Variants in MYH9 observed in about 807,000 individuals in gnomAD.
MYH9 encodes the protein myosin heavy chain 9.
MYH9 carries 29 observed loss-of-function variants against 241.9 expected under a neutral mutation model. That is an observed-to-expected ratio of 0.12 (90% CI 0.09 to 0.16). The LOEUF (loss-of-function observed/expected upper bound fraction) is 0.16, where lower values mean the gene tolerates loss of function less well. Among genes scored for constraint, MYH9 ranks in the 10% least tolerant of loss-of-function variants. The probability of loss-of-function intolerance (pLI) is 1.00; values close to 1 mark genes in which losing one functional copy is unlikely to be tolerated. For missense variants in MYH9, 1,803 were observed against 2,595.5 expected (o/e 0.69, Z 6.63); for synonymous variants, 1,047 against 1,062.6 (o/e 0.99, Z 0.29).
At chr22:36,344,203 G>A (rs796815717) in intron 2 of MYH9, among the ~76,000 whole-genome samples, 28 of 152,348 alleles carry the variant, frequency 1.8e-4, no homozygotes, top group African/African-American at 6.7e-4. Context: ...GCAAGACATC[G>A]AGCAAGCGGC....
chr22:36,309,152 G>A (rs895659239), intron 15 of MYH9, 130 bp downstream of exon 15: 4 of 816,638 alleles, frequency 4.9e-6, no homozygotes, highest in African/African-American at 3.4e-5. Context: ...GCTACAGAGG[G>A]CAGAGACCAC....
chr22:36,291,472 T>C (rs997636795), intron 31 of MYH9, among the ~76,000 whole-genome samples: 45 of 151,800 alleles, frequency 3.0e-4, no homozygotes, highest in African/African-American at 1.1e-3. Flanking sequence ...AACAGATGCT[T>C]GAAGGCAGCA....
intron 34 of MYH9, among the ~76,000 whole-genome samples, chr22:36,287,284 G>A (rs1179105184): frequency 1.3e-5 from 2 of 151,956 alleles, no homozygotes; most frequent in African/African-American, 2.4e-5. Context: ...TTTTCCTTTT[G>A]CAGATAAATC....
chr22:36,337,817 T>C (rs1270247119), intron 3 of MYH9, among the ~76,000 whole-genome samples: 1 of 152,096 alleles, frequency 6.6e-6, no homozygotes, highest in Non-Finnish European at 1.5e-5. Flanking sequence ...GCTCCACGGG[T>C]GACACATGAC....
chr22:36,348,853 C>CCCCCG, intron 2 of MYH9, 51 bp downstream of exon 2: 1 of 1,090,454 alleles, frequency 9.2e-7, no homozygotes, highest in Non-Finnish European at 1.3e-6. Flanking sequence ...CCCCCCCCCC[C>CCCCCG]ACCTCGGAGC....
chr22:36,318,437 G>A (rs2017194923), intron 10 of MYH9, 112 bp from the exon 11 acceptor site: 4 of 894,124 alleles, frequency 4.5e-6, no homozygotes, highest in Non-Finnish European at 7.5e-6. Context: ...TGGGAGCAGA[G>A]AGGAAGAAAG....
At position 36,281,627 on chromosome 22, in the gene MYH9, A is replaced by G; in HGVS notation, c.*1041T>C. 2 of 230,686 alleles carry G rather than the reference A, an allele frequency of 8.7e-6. No individual in the cohort carries two copies. The allele number at this position is 230,686 out of a possible 1,614,324, so 14.3% of individuals were successfully genotyped here. ...GAGGACGAGCTACTCTCTTCTAAACAAAGGCAGTGAGAAAGACTCGGAATT... is the reference window on the plus strand; with the variant it reads ...GAGGACGAGCTACTCTCTTCTAAACGAAGGCAGTGAGAAAGACTCGGAATT... On this transcript the variant is annotated 3_prime_UTR_variant, in exon 41 of 41. Coordinates refer to ENST00000216181, the MANE Select transcript of MYH9 (RefSeq NM_002473.6).
At chr22:36,325,615 A>C (rs892317328) in intron 5 of MYH9, among the ~76,000 whole-genome samples, 1 of 152,216 alleles carries the variant, frequency 6.6e-6, no homozygotes, top group Non-Finnish European at 1.5e-5. Flanking sequence ...GTGGCAGGTG[A>C]GGGCAGCCGG....
Position 36,285,917 on chromosome 22 carries a change from G to T in MYH9, c.5098C>A (p.Gln1700Lys). 6.2e-7 allele frequency: 1 copy of T among 1,612,536 alleles called. No individual in the cohort carries two copies. Among genetic ancestry groups the T allele is most frequent in the East Asian group, 2.2e-5 (1 of 44,854 alleles). The change falls in exon 36 of 41, where the codon CAG (glutamine) becomes AAG (lysine). Residue 1700 changes from glutamine (Q) to lysine (K), a missense_variant. This residue lies in a region of MYH9 where 876 missense variants were observed against 1,077.8 expected (regional missense o/e 0.81). Coordinates refer to ENST00000216181, the MANE Select transcript of MYH9 (RefSeq NM_002473.6). This position sits in a 1 kb window ranked among gnomAD's most constrained non-coding sequence, Gnocchi z 7.0. Reference protein sequence around the residue: ...AAAERAKRQAQQERDELADEI... With the variant: ...AAAERAKRQAKQERDELADEI... ...TCAGCCAGCTCATCCCGCTCCTGCT[G>T]GGCCTGGCGCTTGGCACGCTCCGCG...
intron 1 of MYH9, among the ~76,000 whole-genome samples, chr22:36,387,431 T>G (rs2018371490): frequency 6.6e-6 from 1 of 152,082 alleles, no homozygotes; most frequent in African/African-American, 2.4e-5. Context: ...GGTTAAAAAG[T>G]TTGCCCGAGT....
intron 14 of MYH9, 23 bp from the exon 15 acceptor site, chr22:36,309,419 A>G (rs1603483217): frequency 6.3e-7 from 1 of 1,574,976 alleles, no homozygotes. Context: ...GAGAGGCAGG[A>G]GTCACAAGCT....
rs761847808 is a variant in MYH9 at position 36,288,986 on chromosome 22, C to T, written c.4558-47G>A. 76 of 1,612,764 alleles carry T rather than the reference C, an allele frequency of 4.7e-5. No individual in the cohort carries two copies. The highest frequency in any genetic ancestry group is 6.2e-5 in the Non-Finnish European group (73 of 1,179,808). On this transcript the variant is annotated intron_variant, in intron 32 of 40. Coordinates refer to ENST00000216181, the MANE Select transcript of MYH9 (RefSeq NM_002473.6). The surrounding 1 kb of genome is among the most constrained non-coding windows in gnomAD (Gnocchi z 4.8). ...TCAGGAGCAAAGGGACTGGCAGGTACCTGGGTCTGCGCGACCCGGAGTCTG... is the reference window on the plus strand; with the variant it reads ...TCAGGAGCAAAGGGACTGGCAGGTATCTGGGTCTGCGCGACCCGGAGTCTG...
At chr22:36,324,904 A>T in intron 5 of MYH9, 2 of 600,528 alleles carry the variant, frequency 3.3e-6, no homozygotes, top group Non-Finnish European at 6.0e-6. Context: ...CCCCTCTACA[A>T]CAGGAACCCC....
In MYH9 at chr22:36,309,381, C is replaced by T; in HGVS notation, c.1744G>A (p.Asp582Asn). The T allele has an allele frequency of 6.2e-7, 1 of 1,614,192 alleles. No homozygotes were observed. The highest frequency in any genetic ancestry group is 8.5e-7 in the Non-Finnish European group (1 of 1,180,020). The change falls in exon 15 of 41, where the codon GAC (aspartate) becomes AAC (asparagine). Residue 582 changes from aspartate to asparagine, a missense_variant. Physicochemically the swap from Asp to Asn is conservative, Grantham distance 23 (BLOSUM62 1). This residue lies in a region of MYH9 where 163 missense variants were observed against 349.7 expected (regional missense o/e 0.47). Coordinates refer to ENST00000216181, the MANE Select transcript of MYH9 (RefSeq NM_002473.6). ...HYAGKVDYKA[D>N]EWLMKNMDPL... ...TCCATGTTCTTCATCAGCCACTCGT[C>T]AGCTTTGTAATCCACCTGGCGGGGT... is the stretch of plus-strand genomic sequence containing the variant.
chr22:36,322,144 G>T (rs1414213167), intron 6 of MYH9, among the ~76,000 whole-genome samples: 2 of 152,260 alleles, frequency 1.3e-5, no homozygotes, highest in Non-Finnish European at 2.9e-5. Flanking sequence ...GGCTACTGGT[G>T]ACAGCTGAGC....
At position 36,318,470 on chromosome 22, in the gene MYH9, T is replaced by C. The variant is rs532257166; in HGVS notation, c.1109-145A>G. On this transcript the variant is annotated intron_variant, in intron 10 of 40. Transcript: ENST00000216181. ...AAGCCACGGGGTGAATGAGCAATCA[T>C]TACCAGGACAACCGCATCTGGGCCC... The C allele has an allele frequency of 1.1e-3, 833 of 762,188 alleles. 2 individuals are homozygous for C. The African/African-American group carries it at 0.012, about 11-fold the overall frequency. 47.2% of individuals were successfully genotyped at this position (762,188 alleles called of 1,614,324 possible).
At chr22:36,378,200 G>A (rs1263579518) in intron 1 of MYH9, among the ~76,000 whole-genome samples, 1 of 151,996 alleles carries the variant, frequency 6.6e-6, no homozygotes, top group African/African-American at 2.4e-5. Context: ...TGCTTGAGAC[G>A]GAGGCCGAGG....
Position 36,295,172 on chromosome 22 carries a change from C to T in MYH9, c.3486-96G>A, listed in dbSNP as rs2016769323. On this transcript the variant is annotated intron_variant, in intron 26 of 40. Coordinates refer to ENST00000216181, the MANE Select transcript of MYH9 (RefSeq NM_002473.6). The surrounding 1 kb of genome is among the most constrained non-coding windows in gnomAD (Gnocchi z 4.1). ...TGACCAAAGAGAGGCCTGGCCAGGG[C>T]ACAGGCACTCCAGGCAGCTTTTCTA... 1 of 1,545,328 alleles carries T rather than the reference C, an allele frequency of 6.5e-7. No homozygotes were observed. The highest frequency in any genetic ancestry group is 2.2e-5 in the East Asian group (1 of 44,546).
At chr22:36,386,412 T>G (rs2042826526) in intron 1 of MYH9, among the ~76,000 whole-genome samples, 1 of 152,122 alleles carries the variant, frequency 6.6e-6, no homozygotes, top group African/African-American at 2.4e-5. Flanking sequence ...AAGGCCTCCC[T>G]CCTTACCAAA....
Sources: gnomAD v4.1 joint callset for allele counts (sites outside exome capture counted in the v4.1 genomes callset) on GRCh38, gnomAD v4.1.1 for gene constraint, gnomAD v4.1.1 regional missense constraint, Gnocchi (gnomAD v3.1) non-coding constraint, MANE v1.5 for transcripts, NCBI Gene and HGNC (gene_info 2026-07-23, HGNC 2026-07-21) for gene names.